Variants in SEMA3E observed in about 807,000 individuals in gnomAD.
The protein encoded by SEMA3E is semaphorin-3E.
Under a neutral mutation model 93.6 loss-of-function variants are expected in SEMA3E, and 49 were observed. The observed-to-expected ratio is 0.52, with a 90% confidence interval of 0.42 to 0.66. The LOEUF is 0.66. Ranked by LOEUF, SEMA3E falls within the 30% of genes least tolerant of loss-of-function variation. The pLI, the probability that SEMA3E is intolerant of heterozygous loss-of-function variation, is 0.00. For missense variants in SEMA3E, 906 were observed against 964.8 expected (o/e 0.94, Z 0.81); for synonymous variants, 363 against 330.7 (o/e 1.10, Z -1.06).
At chr7:83,558,627 A>C (rs1280907790) in intron 1 of SEMA3E, among the ~76,000 whole-genome samples, 1 of 152,134 alleles carries the variant, frequency 6.6e-6, no homozygotes, top group Non-Finnish European at 1.5e-5. Context: ...AATTATGGTT[A>C]CATTTCAGAT....
At chr7:83,515,610 A>G (rs1790911017) in intron 1 of SEMA3E, among the ~76,000 whole-genome samples, 2 of 152,216 alleles carry the variant, frequency 1.3e-5, no homozygotes, top group African/African-American at 4.8e-5. Context: ...AGTTTACTAC[A>G]GAAATAATTA....
intron 2 of SEMA3E, among the ~76,000 whole-genome samples, chr7:83,473,669 A>T (rs1789949213): frequency 6.6e-6 from 1 of 152,230 alleles, no homozygotes; most frequent in African/African-American, 2.4e-5. Context: ...CTGTGCGGAA[A>T]TATTCCTCTG....
At chr7:83,480,962 T>C (rs956514619) in intron 2 of SEMA3E, among the ~76,000 whole-genome samples, 7 of 152,320 alleles carry the variant, frequency 4.6e-5, no homozygotes, top group South Asian at 4.1e-4. Flanking sequence ...ATAGATTAGA[T>C]GTTCTTCCTC....
intron 1 of SEMA3E, among the ~76,000 whole-genome samples, chr7:83,591,465 T>G (rs1421326123): frequency 1.3e-5 from 2 of 151,814 alleles, no homozygotes; most frequent in Admixed American, 1.3e-4. Flanking sequence ...ATATTTACCA[T>G]AGATGATACA....
chr7:83,388,082 G>A (rs144159007), intron 14 of SEMA3E, among the ~76,000 whole-genome samples: 1 of 148,338 alleles, frequency 6.7e-6, no homozygotes, highest in African/African-American at 2.4e-5. Flanking sequence ...AGGCCAAGAC[G>A]GGTGGATCAT....
At chr7:83,523,634 T>C (rs1317651545) in intron 1 of SEMA3E, among the ~76,000 whole-genome samples, 1 of 152,042 alleles carries the variant, frequency 6.6e-6, no homozygotes, top group Non-Finnish European at 1.5e-5. Flanking sequence ...TTCTTGTGTG[T>C]TCTCCCTCTC....
intron 1 of SEMA3E, among the ~76,000 whole-genome samples, chr7:83,621,156 A>G (rs902641394): frequency 1.9e-4 from 29 of 152,222 alleles, no homozygotes; most frequent in African/African-American, 6.8e-4. Flanking sequence ...GTTTCAGGAT[A>G]CAAAATTAAT....
At chr7:83,394,121 C>G (rs1345313087) in intron 13 of SEMA3E, among the ~76,000 whole-genome samples, 176 bp downstream of exon 13, 1 of 151,958 alleles carries the variant, frequency 6.6e-6, no homozygotes, top group African/African-American at 2.4e-5. Context: ...ATTTTGTTAA[C>G]AGGGTAGATC....
At chr7:83,538,600 T>C (rs1033419690) in intron 1 of SEMA3E, among the ~76,000 whole-genome samples, 1 of 152,200 alleles carries the variant, frequency 6.6e-6, no homozygotes, top group Non-Finnish European at 1.5e-5. Context: ...TCATTATTTT[T>C]TACATGATTA....
At chr7:83,627,417 T>A (rs1456334661) in intron 1 of SEMA3E, among the ~76,000 whole-genome samples, 4 of 152,128 alleles carry the variant, frequency 2.6e-5, no homozygotes, top group Non-Finnish European at 5.9e-5. Flanking sequence ...TTTAGGATAG[T>A]TAGTGAATCT....
intron 16 of SEMA3E, among the ~76,000 whole-genome samples, chr7:83,377,882 A>G (rs1787683791): frequency 6.6e-6 from 1 of 152,008 alleles, no homozygotes; most frequent in South Asian, 2.1e-4. Flanking sequence ...TACTTCAACT[A>G]TATGACCTTA....
intron 4 of SEMA3E, among the ~76,000 whole-genome samples, chr7:83,451,928 G>T (rs1289155618): frequency 6.6e-6 from 1 of 152,168 alleles, no homozygotes; most frequent in Non-Finnish European, 1.5e-5. Context: ...TCACAATTAT[G>T]AGAAGCTCAT....
intron 4 of SEMA3E, among the ~76,000 whole-genome samples, chr7:83,433,362 A>T (rs955086828): frequency 6.6e-6 from 1 of 152,116 alleles, no homozygotes; most frequent in Non-Finnish European, 1.5e-5. Flanking sequence ...TTCCCAGTGA[A>T]TCACCTATAA....
intron 15 of SEMA3E, 81 bp from the exon 16 acceptor site, chr7:83,385,514 G>T: frequency 7.6e-7 from 1 of 1,312,618 alleles, no homozygotes; most frequent in Non-Finnish European, 1.1e-6. Context: ...TTAGATCCCT[G>T]CAGTAACATG....
Position 83,366,973 on chromosome 7 carries a change from A to C in SEMA3E, c.*613T>G, listed in dbSNP as rs1158839504. On this transcript the variant is annotated 3_prime_UTR_variant, in exon 17 of 17. Coordinates refer to ENST00000643230, the MANE Select transcript of SEMA3E (RefSeq NM_012431.3). Reference sequence around the variant, plus strand: ...TTAAAGACTGTGTTATAAAGCAAAAATAGTGTGAATGTACTTTAATGAATA... The same window carrying C: ...TTAAAGACTGTGTTATAAAGCAAAACTAGTGTGAATGTACTTTAATGAATA... The C allele has an allele frequency of 2.6e-5, 4 of 152,466 alleles. No individual in the cohort carries two copies. Among genetic ancestry groups the C allele is most frequent in the Non-Finnish European group, 1.5e-5 (1 of 68,250 alleles). The allele number at this position is 152,466 out of a possible 1,614,324, so 9.4% of individuals were successfully genotyped here.
At chr7:83,416,907 G>A (rs1245616230) in intron 5 of SEMA3E, among the ~76,000 whole-genome samples, 1 of 150,248 alleles carries the variant, frequency 6.7e-6, no homozygotes, top group Admixed American at 6.7e-5. Context: ...CTAAGGTTTT[G>A]ATTTTACCAA....
intron 2 of SEMA3E, among the ~76,000 whole-genome samples, chr7:83,471,031 A>G (rs1428333350): frequency 2.0e-5 from 3 of 151,806 alleles, no homozygotes; most frequent in Non-Finnish European, 2.9e-5. Context: ...CAGTGTTTCA[A>G]TACATCATTA....
At chr7:83,445,073 G>A (rs912404065) in intron 4 of SEMA3E, among the ~76,000 whole-genome samples, 3 of 152,136 alleles carry the variant, frequency 2.0e-5, no homozygotes, top group African/African-American at 7.2e-5. Flanking sequence ...AGGAAGCAGT[G>A]GAGGAAAATG....
intron 1 of SEMA3E, among the ~76,000 whole-genome samples, chr7:83,561,227 C>T (rs925197964): frequency 8.6e-5 from 13 of 151,920 alleles, no homozygotes; most frequent in African/African-American, 2.7e-4. Flanking sequence ...GATATGAAAA[C>T]GCACCTTGAT....
Sources: allele counts gnomAD v4.1 joint callset (sites outside exome capture counted in the v4.1 genomes callset), GRCh38; gene constraint gnomAD v4.1.1; transcripts MANE v1.5; gene names NCBI Gene and HGNC (gene_info 2026-07-23, HGNC 2026-07-21).